Variants in SUSD3 observed in about 807,000 individuals in gnomAD.
The protein encoded by SUSD3 is sushi domain containing 3.
Under a neutral mutation model 20.6 loss-of-function variants are expected in SUSD3, and 18 were observed. The observed-to-expected ratio is 0.87, with a 90% CI of 0.60 to 1.30. The LOEUF (loss-of-function observed/expected upper bound fraction) is 1.30, where lower values mean the gene tolerates loss of function less well. SUSD3 is among the 50% of genes most tolerant of loss of function. SUSD3 has a pLI of 0.00. For synonymous variants in SUSD3, 137 were observed against 141.5 expected, an observed-to-expected ratio of 0.97 and a Z score of 0.23; for missense variants, 306 against 346.9, an observed-to-expected ratio of 0.88 and a Z score of 0.94.
rs561486543 is a variant in SUSD3 at position 93,082,310 on chromosome 9, CTTTTTTTT to C, written c.558-2209_558-2202del. ...GCTGTACATTTTTTAGGCCTCTTTC[CTTTTTTTT>C]TTTTTTTTTTTTTTTTTGAGGCGGA... On this transcript the variant is annotated intron_variant, in intron 4 of 4. Coordinates refer to ENST00000375472, the MANE Select transcript of SUSD3 (RefSeq NM_145006.4). Among the ~76,000 whole-genome samples, 4 of 87,240 alleles carry C rather than the reference CTTTTTTTT, an allele frequency of 4.6e-5. No homozygotes were observed. The Admixed American group carries it at 4.6e-4, about 10-fold the overall frequency. 57.2% of individuals were successfully genotyped at this position (87,240 alleles called of 152,430 possible). A position where few individuals can be genotyped will look rare whatever the true frequency, so the allele number is the denominator to read the frequency against.
At chr9:93,059,712 G>A (rs1438447027) in intron 1 of SUSD3, among the ~76,000 whole-genome samples, 1 of 152,146 alleles carries the variant, frequency 6.6e-6, no homozygotes, top group East Asian at 1.9e-4. Context: ...GGGTGGGCTG[G>A]ACCAGGTCAC....
intron 3 of SUSD3, 23 bp from the exon 4 acceptor site, chr9:93,079,448 C>T: frequency 6.2e-7 from 1 of 1,612,662 alleles, no homozygotes; most frequent in Non-Finnish European, 8.5e-7. Context: ...GCTCAGAGTC[C>T]TTCCTCCCAA....
At chr9:93,083,278 G>A (rs992484018) in intron 4 of SUSD3, among the ~76,000 whole-genome samples, 7 of 152,192 alleles carry the variant, frequency 4.6e-5, no homozygotes, top group African/African-American at 1.7e-4. Flanking sequence ...CAGCTTCATG[G>A]GGACTCAGAG....
intron 4 of SUSD3, among the ~76,000 whole-genome samples, chr9:93,081,038 C>A (rs1441683600): frequency 6.6e-6 from 1 of 152,198 alleles, no homozygotes; most frequent in African/African-American, 2.4e-5. Context: ...AGCCAGGCAA[C>A]CTCATTCATG....
At chr9:93,075,696 A>T in intron 1 of SUSD3, 88 bp from the exon 2 acceptor site, 1 of 693,314 alleles carries the variant, frequency 1.4e-6, no homozygotes, top group Non-Finnish European at 2.3e-6. Context: ...ATGCTGTGCC[A>T]GCTCCTCACT....
At position 93,084,861 on chromosome 9, in the gene SUSD3, G is replaced by A; in HGVS notation, c.*114G>A. 1 of 999,172 alleles carries A rather than the reference G, an allele frequency of 1.0e-6. No individual in the cohort carries two copies. Among genetic ancestry groups the A allele is most frequent in the Non-Finnish European group, 1.4e-6 (1 of 724,116 alleles). 61.9% of individuals were successfully genotyped at this position (999,172 alleles called of 1,614,324 possible). Reference sequence around the variant, plus strand: ...CATGCGCCCAGCTCGAGACTGATGAGTGGAATCAGCTTCCAGGTGTAGGGA... The same window carrying A: ...CATGCGCCCAGCTCGAGACTGATGAATGGAATCAGCTTCCAGGTGTAGGGA... On this transcript the variant is annotated 3_prime_UTR_variant, in exon 5 of 5. Transcript: ENST00000375472.
chr9:93,073,484 G>A (rs989148967), intron 1 of SUSD3, among the ~76,000 whole-genome samples: 7 of 152,060 alleles, frequency 4.6e-5, no homozygotes, highest in Non-Finnish European at 8.8e-5. Context: ...TCCTGCCCTC[G>A]TGATCCGCCC....
At chr9:93,080,540 C>T (rs1049359137) in intron 4 of SUSD3, among the ~76,000 whole-genome samples, 1 of 152,208 alleles carries the variant, frequency 6.6e-6, no homozygotes, top group African/African-American at 2.4e-5. Context: ...TCTGGTGTTT[C>T]TGTGTGACCA....
chr9:93,070,022 A>T (rs1479412046), intron 1 of SUSD3, among the ~76,000 whole-genome samples: 1 of 151,966 alleles, frequency 6.6e-6, no homozygotes, highest in Non-Finnish European at 1.5e-5. Context: ...CAAGTGATCC[A>T]CCTGCCTCGG....
At position 93,058,705 on chromosome 9, in the gene SUSD3, C is replaced by T. The variant is rs890171447; in HGVS notation, c.-38C>T. ...CCGCCCCCACAAGCCGGGCTCACTC[C>T]CCTGGCAGACCCCGCCAAGCGCCTC... On this transcript the variant is annotated 5_prime_UTR_variant, in exon 1 of 5. Coordinates refer to ENST00000375472, the MANE Select transcript of SUSD3 (RefSeq NM_145006.4). 8 of 1,199,042 alleles carry T rather than the reference C, an allele frequency of 6.7e-6. No homozygotes were observed. The highest frequency in any genetic ancestry group is 8.5e-5 in the Admixed American group (2 of 23,504). The allele number at this position is 1,199,042 out of a possible 1,614,324, so 74.3% of individuals were successfully genotyped here. A position where few individuals can be genotyped will look rare whatever the true frequency, so the allele number is the denominator to read the frequency against.
intron 3 of SUSD3, among the ~76,000 whole-genome samples, chr9:93,078,768 T>G (rs1234304126): frequency 6.6e-6 from 1 of 152,158 alleles, no homozygotes; most frequent in Non-Finnish European, 1.5e-5. Flanking sequence ...TTGTTTTTAT[T>G]TTTTATTGTG....
intron 1 of SUSD3, among the ~76,000 whole-genome samples, chr9:93,074,873 A>G (rs567980801): frequency 6.6e-6 from 1 of 152,106 alleles, no homozygotes; most frequent in African/African-American, 2.4e-5. Context: ...CGGCCTCCCA[A>G]AGTGCTGGGA....
chr9:93,075,749 C>CCCCCCCCCCCCCCCCCCCCT, intron 1 of SUSD3, 35 bp from the exon 2 acceptor site: 1 of 215,698 alleles, frequency 4.6e-6, no homozygotes, highest in South Asian at 4.7e-5. Flanking sequence ...CACCCCCCCC[C>CCCCCCCCCCCCCCCCCCCCT]CCCCGCCATG....
chr9:93,060,365 G>A (rs925126952), intron 1 of SUSD3, among the ~76,000 whole-genome samples: 1 of 152,134 alleles, frequency 6.6e-6, no homozygotes, highest in Admixed American at 6.5e-5. Context: ...CTGCCCCCAA[G>A]CTTGTGGACA....
intron 1 of SUSD3, among the ~76,000 whole-genome samples, chr9:93,065,303 C>T (rs1224003287): frequency 6.6e-6 from 1 of 152,236 alleles, no homozygotes; most frequent in Non-Finnish European, 1.5e-5. Context: ...TCCACCCCTC[C>T]AGGCATCTCA....
chr9:93,059,351 T>G lies in SUSD3; in HGVS notation c.88+521T>G, dbSNP rs963754955. Among the ~76,000 whole-genome samples, 19 of 152,032 alleles carry G rather than the reference T, an allele frequency of 1.2e-4. 1 individual carries two copies. The highest frequency in any genetic ancestry group is 4.6e-4 in the African/African-American group (19 of 41,386). ...GGGGAGTGGCTGTCCGAGGTCACCC[T>G]GTAGCCAGGCTTGGGATCGCCTCGG... On this transcript the variant is annotated intron_variant, in intron 1 of 4. Coordinates refer to ENST00000375472, the MANE Select transcript of SUSD3 (RefSeq NM_145006.4).
intron 1 of SUSD3, among the ~76,000 whole-genome samples, chr9:93,061,630 T>G (rs1473475606): frequency 6.6e-6 from 1 of 152,222 alleles, no homozygotes; most frequent in Admixed American, 6.5e-5. Flanking sequence ...GTGACTTACC[T>G]GAAGACACAC....
At chr9:93,074,616 CTTTTTTTTT>C (rs989411910) in intron 1 of SUSD3, among the ~76,000 whole-genome samples, 4 of 96,368 alleles carry the variant, frequency 4.2e-5, no homozygotes, top group African/African-American at 1.4e-4. Context: ...GCAGCAGATT[CTTTTTTTTT>C]TTTTTTTTTT....
At chr9:93,064,318 G>T (rs571716265) in intron 1 of SUSD3, among the ~76,000 whole-genome samples, 326 of 152,292 alleles carry the variant, frequency 2.1e-3, no homozygotes, top group South Asian at 3.9e-3. Context: ...AGTGCTGGGA[G>T]TACAGGCGTG....
Sources: allele counts gnomAD v4.1 joint callset (sites outside exome capture counted in the v4.1 genomes callset), GRCh38; gene constraint gnomAD v4.1.1; transcripts MANE v1.5; gene names NCBI Gene and HGNC (gene_info 2026-07-23, HGNC 2026-07-21).